The following WASHC3 variants were observed in gnomAD, a reference collection of about 807,000 sequenced individuals.
WASHC3 encodes the protein WASH complex subunit CCDC53.
A neutral mutation model predicts 26.1 loss-of-function variants in WASHC3; 24 were observed. The ratio of observed to expected loss-of-function variants is 0.92; its 90% CI spans 0.66 to 1.29. The LOEUF (loss-of-function observed/expected upper bound fraction) is 1.29, where lower values mean the gene tolerates loss of function less well. Among genes scored for constraint, WASHC3 ranks in the 50% most tolerant of loss-of-function variants. The pLI, the probability that WASHC3 is intolerant of heterozygous loss-of-function variation, is 0.00. For synonymous variants in WASHC3, 77 were observed against 75.7 expected (o/e 1.02, Z -0.09); for missense variants, 214 against 229.6 (o/e 0.93, Z 0.44).
Position 102,025,992 on chromosome 12 carries a change from A to T in WASHC3, c.482T>A (p.Leu161Gln). The change falls in exon 6 of 7, where the codon CTA (leucine) becomes CAA (glutamine). Residue 161 changes from leucine to glutamine, a missense_variant. By Grantham distance (113) the Leu-to-Gln change is moderately radical. Coordinates refer to ENST00000240079, the MANE Select transcript of WASHC3 (RefSeq NM_016053.4). ...TACTTACTCAAGAAGATCTGGGTCT[A>T]GTCCTTCTGATATCATTTTGTTTCT... ...AIRNKMISEG[L>Q]DPDLLERPDA... The T allele has an allele frequency of 6.5e-7, 1 of 1,528,536 alleles. No individual in the cohort carries two copies. The highest frequency in any genetic ancestry group is 8.9e-7 in the Non-Finnish European group (1 of 1,120,714). The allele number at this position is 1,528,536 out of a possible 1,614,324, so 94.7% of individuals were successfully genotyped here.
chr12:102,045,720 T>C (rs1878133595), intron 3 of WASHC3, among the ~76,000 whole-genome samples: 1 of 152,238 alleles, frequency 6.6e-6, no homozygotes, highest in Non-Finnish European at 1.5e-5. Flanking sequence ...ATTAGTATTG[T>C]ATTATCAAAT....
At chr12:102,044,799 G>T (rs1001571581) in intron 3 of WASHC3, among the ~76,000 whole-genome samples, 1 of 151,942 alleles carries the variant, frequency 6.6e-6, no homozygotes, top group Non-Finnish European at 1.5e-5. Context: ...TGGGCATATT[G>T]TTGGTATTTC....
chr12:102,037,921 G>A (rs553566996), intron 5 of WASHC3, among the ~76,000 whole-genome samples: 40 of 151,924 alleles, frequency 2.6e-4, no homozygotes, highest in Admixed American at 5.2e-4. Context: ...TCAGCCTCCC[G>A]AGTAGCTGGG....
At chr12:102,043,662 T>C (rs1402597175) in intron 4 of WASHC3, 2 of 152,342 alleles carry the variant, frequency 1.3e-5, no homozygotes, top group African/African-American at 4.8e-5. Flanking sequence ...TGCTCAAAAA[T>C]TTATGCAGGG....
At chr12:102,055,829 CCA>C (rs1878572389) in intron 2 of WASHC3, among the ~76,000 whole-genome samples, 1 of 152,038 alleles carries the variant, frequency 6.6e-6, no homozygotes, top group South Asian at 2.1e-4. Context: ...TGAGTTGGTG[CCA>C]CAGAGAATTT....
chr12:102,037,437 T>C (rs183620583), intron 5 of WASHC3, among the ~76,000 whole-genome samples: 1 of 152,216 alleles, frequency 6.6e-6, no homozygotes, highest in Admixed American at 6.5e-5. Flanking sequence ...TAAAATAGGG[T>C]GGCCAAGGAA....
intron 4 of WASHC3, among the ~76,000 whole-genome samples, chr12:102,041,722 G>C (rs1403942201): frequency 6.6e-6 from 1 of 152,028 alleles, no homozygotes; most frequent in Non-Finnish European, 1.5e-5. Flanking sequence ...ATGAGAAGTT[G>C]ATGTGAATAT....
At chr12:102,029,848 C>A (rs1417063760) in intron 5 of WASHC3, among the ~76,000 whole-genome samples, 1 of 152,088 alleles carries the variant, frequency 6.6e-6, no homozygotes, top group Non-Finnish European at 1.5e-5. Context: ...TTTTTCTTTG[C>A]AGAGCACGGG....
chr12:102,061,397 G>A (rs1878806590), intron 1 of WASHC3, 51 bp from the exon 2 acceptor site: 6 of 1,201,708 alleles, frequency 5.0e-6, no homozygotes, highest in Non-Finnish European at 7.4e-6. Flanking sequence ...CGTACACAGT[G>A]CAAATCTTTT....
intron 5 of WASHC3, among the ~76,000 whole-genome samples, chr12:102,034,449 G>A (rs1198174016): frequency 1.3e-5 from 2 of 152,030 alleles, no homozygotes; most frequent in Non-Finnish European, 1.5e-5. Context: ...GTTATAATTT[G>A]GTAATGGAAT....
At chr12:102,045,061 T>C (rs553022131) in intron 3 of WASHC3, among the ~76,000 whole-genome samples, 20 of 152,156 alleles carry the variant, frequency 1.3e-4, no homozygotes, top group African/African-American at 4.8e-4. Flanking sequence ...AAGACACATA[T>C]TCACATTAAA....
In WASHC3 at chr12:102,050,344, T is replaced by G. The variant is rs978829348; in HGVS notation, c.151-4225A>C. On this transcript the variant is annotated intron_variant, in intron 2 of 6. Coordinates refer to ENST00000240079, the MANE Select transcript of WASHC3 (RefSeq NM_016053.4). Reference sequence around the variant, plus strand: ...GAATTAAAATAACATTCTGGCCAGGTACAGTGGCTCACGCCTATAATTCCA... The same window carrying G: ...GAATTAAAATAACATTCTGGCCAGGGACAGTGGCTCACGCCTATAATTCCA... The G allele has an allele frequency of 5.1e-4, 227 of 441,872 alleles. 4 individuals are homozygous for G. The highest frequency in any genetic ancestry group is 3.7e-3 in the South Asian group (224 of 61,224). 27.4% of individuals were successfully genotyped at this position (441,872 alleles called of 1,614,324 possible).
chr12:102,013,527 T>G (rs1050229226), intron 6 of WASHC3, among the ~76,000 whole-genome samples: 1 of 152,136 alleles, frequency 6.6e-6, no homozygotes, highest in Non-Finnish European at 1.5e-5. Flanking sequence ...GCTAAGTCCC[T>G]GAAGCTTCCA....
At chr12:102,042,936 T>A (rs1878000349) in intron 4 of WASHC3, among the ~76,000 whole-genome samples, 1 of 152,170 alleles carries the variant, frequency 6.6e-6, no homozygotes, top group Non-Finnish European at 1.5e-5. Context: ...TTTTTTGAAA[T>A]AAAAAGTAAT....
At chr12:102,056,556 C>T (rs1311735762) in intron 2 of WASHC3, among the ~76,000 whole-genome samples, 1 of 152,108 alleles carries the variant, frequency 6.6e-6, no homozygotes, top group Non-Finnish European at 1.5e-5. Flanking sequence ...GTAAATTTTA[C>T]TGCATATAAG....
intron 6 of WASHC3, among the ~76,000 whole-genome samples, chr12:102,015,800 C>T (rs369853580): frequency 1.7e-4 from 26 of 152,334 alleles, no homozygotes; most frequent in African/African-American, 5.1e-4. Context: ...ATGTTTCAAT[C>T]AGTGATGAAC....
intron 6 of WASHC3, among the ~76,000 whole-genome samples, chr12:102,024,439 G>C (rs1445241784): frequency 2.0e-5 from 3 of 152,196 alleles, no homozygotes; most frequent in Non-Finnish European, 4.4e-5. Flanking sequence ...TGAGATGTGA[G>C]AGATATTAAA....
intron 2 of WASHC3, among the ~76,000 whole-genome samples, chr12:102,049,691 T>C (rs969546679): frequency 3.2e-4 from 48 of 152,328 alleles, no homozygotes; most frequent in African/African-American, 1.2e-3. Context: ...AGAGAAACAG[T>C]ATTTTAAGAT....
At position 102,061,282 on chromosome 12, in the gene WASHC3, T is replaced by G. The variant is rs1471145752; in HGVS notation, c.116A>C (p.Gln39Pro). ...AACTGTAGAAAAGCGGTTGAGGAACTGTACAGTGTGCACCACAAATTGGTT... is the reference window on the plus strand; with the variant it reads ...AACTGTAGAAAAGCGGTTGAGGAACGGTACAGTGTGCACCACAAATTGGTT... ...FLNQFVVHTV[Q>P]FLNRFSTVCE... Residue 39 changes from glutamine (Q) to proline (P), a missense_variant, in exon 2 of 7, where the codon CAG (glutamine) becomes CCG (proline). Physicochemically the swap from Gln to Pro is moderately conservative, Grantham distance 76 (BLOSUM62 -1). Transcript: ENST00000240079. 6.2e-7 allele frequency: 1 copy of G among 1,613,908 alleles called. No individual in the cohort carries two copies. The highest frequency in any genetic ancestry group is 8.5e-7 in the Non-Finnish European group (1 of 1,179,824).
Sources: allele counts gnomAD v4.1 joint callset (sites outside exome capture counted in the v4.1 genomes callset), GRCh38; gene constraint gnomAD v4.1.1; transcripts MANE v1.5; gene names NCBI Gene and HGNC (gene_info 2026-07-23, HGNC 2026-07-21).